Variants in FRYL observed in about 807,000 individuals in gnomAD.
FRYL encodes the protein FRY like transcription coactivator, also known as protein furry homolog-like.
Under a neutral mutation model 351.2 loss-of-function variants are expected in FRYL, and 150 were observed. The ratio of observed to expected loss-of-function variants is 0.43; its 90% CI spans 0.37 to 0.49. The LOEUF (loss-of-function observed/expected upper bound fraction) is 0.49, where lower values mean the gene tolerates loss of function less well. Ranked by LOEUF, FRYL falls within the 20% of genes least tolerant of loss-of-function variation. The probability of loss-of-function intolerance (pLI) is 0.00; values close to 1 mark genes in which losing one functional copy is unlikely to be tolerated. For synonymous variants in FRYL, 1,153 were observed against 1,257.1 expected, an observed-to-expected ratio of 0.92 and a Z score of 1.75; for missense variants, 3,036 against 3,619.3, an observed-to-expected ratio of 0.84 and a Z score of 4.13.
chr4:48,623,815 A>AG (rs1445982050), intron 4 of FRYL, among the ~76,000 whole-genome samples: 1 of 152,180 alleles, frequency 6.6e-6, no homozygotes, highest in Non-Finnish European at 1.5e-5. Flanking sequence ...TTAAAAAAAA[A>AG]CAAAGAAATA....
chr4:48,696,440 T>C (rs914212246), intron 2 of FRYL, among the ~76,000 whole-genome samples: 2 of 151,886 alleles, frequency 1.3e-5, no homozygotes, highest in Non-Finnish European at 2.9e-5. Context: ...GAAAACCAAA[T>C]ACCGCATGTT....
chr4:48,594,207 AT>A (rs1297437672), intron 15 of FRYL, among the ~76,000 whole-genome samples, 191 bp from the exon 16 acceptor site: 5 of 152,188 alleles, frequency 3.3e-5, no homozygotes, highest in Admixed American at 3.3e-4. Flanking sequence ...TTATCAAATG[AT>A]TTGTTTAATA....
chr4:48,690,449 G>T (rs1404758232), intron 2 of FRYL, among the ~76,000 whole-genome samples: 1 of 151,712 alleles, frequency 6.6e-6, no homozygotes, highest in Non-Finnish European at 1.5e-5. Flanking sequence ...TGATTCTCTG[G>T]ACTCCCTTAA....
chr4:48,525,695 G>A (rs1725988632), intron 53 of FRYL, among the ~76,000 whole-genome samples: 1 of 152,126 alleles, frequency 6.6e-6, no homozygotes, highest in Non-Finnish European at 1.5e-5. Flanking sequence ...GTATACGAGA[G>A]CTGATGAATG....
chr4:48,757,792 A>G (rs555608347), intron 1 of FRYL, among the ~76,000 whole-genome samples: 3,084 of 152,280 alleles, frequency 0.02, 104 homozygotes, highest in African/African-American at 0.071. Flanking sequence ...ATCCTAAGCC[A>G]AAAGAACAAA....
At chr4:48,710,752 C>T (rs1158501790) in intron 1 of FRYL, 54 bp from the exon 2 acceptor site, 3 of 395,496 alleles carry the variant, frequency 7.6e-6, no homozygotes, top group Admixed American at 4.4e-5. Context: ...ATGCTTACAA[C>T]ATGTTAACAT....
At chr4:48,568,276 G>A (rs542537447) in intron 27 of FRYL, among the ~76,000 whole-genome samples, 5 of 152,274 alleles carry the variant, frequency 3.3e-5, no homozygotes, top group African/African-American at 1.2e-4. Flanking sequence ...TCTGCAATGA[G>A]GTTTTCTTTG....
chr4:48,660,685 C>T (rs1489016518), intron 3 of FRYL, among the ~76,000 whole-genome samples: 2 of 152,104 alleles, frequency 1.3e-5, no homozygotes, highest in Non-Finnish European at 2.9e-5. Context: ...ACTACCTCAG[C>T]CAGGAGATCA....
At chr4:48,700,167 G>C (rs975661615) in intron 2 of FRYL, among the ~76,000 whole-genome samples, 1 of 152,208 alleles carries the variant, frequency 6.6e-6, no homozygotes, top group African/African-American at 2.4e-5. Context: ...GATTGTGGTA[G>C]AAAGTTCTAA....
At chr4:48,514,525 G>C (rs1723149598) in intron 56 of FRYL, among the ~76,000 whole-genome samples, 2 of 152,160 alleles carry the variant, frequency 1.3e-5, no homozygotes, top group Admixed American at 6.5e-5. Flanking sequence ...AATTTTTAAT[G>C]TATGGAGCAT....
chr4:48,711,070 T>C (rs909071765), intron 1 of FRYL, among the ~76,000 whole-genome samples: 3 of 152,158 alleles, frequency 2.0e-5, no homozygotes, highest in Non-Finnish European at 4.4e-5. Flanking sequence ...AAAAACATTA[T>C]GCTGGGGGGA....
chr4:48,567,499 C>A lies in FRYL; in HGVS notation c.2997-79G>T. 1.0e-6 allele frequency: 1 copy of A among 988,508 alleles called. No individual in the cohort carries two copies. Among genetic ancestry groups the A allele is most frequent in the Admixed American group, 3.1e-5 (1 of 32,576 alleles). 61.2% of individuals were successfully genotyped at this position (988,508 alleles called of 1,614,324 possible). Reference sequence around the variant, plus strand: ...ATAAAAAATTCTTAATACTCAAAATCAGAATAATACATGTTAATTTTGCAT... The same window carrying A: ...ATAAAAAATTCTTAATACTCAAAATAAGAATAATACATGTTAATTTTGCAT... On this transcript the variant is annotated intron_variant, in intron 27 of 63. Transcript: ENST00000358350. The surrounding 1 kb of genome is among the most constrained non-coding windows in gnomAD (Gnocchi z 4.2).
chr4:48,637,552 A>C (rs1206775443), intron 3 of FRYL: 2 of 149,662 alleles, frequency 1.3e-5, no homozygotes, highest in Non-Finnish European at 3.0e-5. Flanking sequence ...TGTTAATATA[A>C]TTCTAAAGAT....
chr4:48,641,207 C>T (rs1323404284), intron 3 of FRYL, among the ~76,000 whole-genome samples: 2 of 152,012 alleles, frequency 1.3e-5, no homozygotes, highest in Non-Finnish European at 2.9e-5. Context: ...AATGTGTATG[C>T]TGTGTGTGTT....
chr4:48,761,987 G>C (rs558682842), intron 1 of FRYL, among the ~76,000 whole-genome samples: 7 of 152,184 alleles, frequency 4.6e-5, no homozygotes, highest in African/African-American at 1.4e-4. Flanking sequence ...GGTTATGAGG[G>C]TAGATTCCTC....
At chr4:48,630,675 T>C (rs1752792097) in intron 4 of FRYL, among the ~76,000 whole-genome samples, 1 of 152,200 alleles carries the variant, frequency 6.6e-6, no homozygotes, top group African/African-American at 2.4e-5. Flanking sequence ...GAAAATGAAA[T>C]TGTGGCTAAA....
intron 60 of FRYL, among the ~76,000 whole-genome samples, chr4:48,504,946 G>A (rs940655903): frequency 3.9e-5 from 6 of 152,028 alleles, no homozygotes; most frequent in African/African-American, 1.4e-4. Context: ...ATGTCAAATG[G>A]AAATAAATTT....
At chr4:48,729,511 G>A (rs1560324193) in intron 1 of FRYL, among the ~76,000 whole-genome samples, 1 of 152,156 alleles carries the variant, frequency 6.6e-6, no homozygotes, top group Non-Finnish European at 1.5e-5. Flanking sequence ...TCATACAGGC[G>A]GGTGCCTCTC....
chr4:48,565,541 C>T lies in FRYL; in HGVS notation c.3320G>A (p.Cys1107Tyr). The T allele has an allele frequency of 6.4e-7, 1 of 1,569,722 alleles. No individual in the cohort carries two copies. Among genetic ancestry groups the T allele is most frequent in the Non-Finnish European group, 8.6e-7 (1 of 1,162,976 alleles). ...RNMQINRHQY[C>Y]ALKAMSAVLC... ...TTTCTAAGTAAATACCTTTAACGCACAGTATTGATGTCTATTAATTTGCAT... is the reference window on the plus strand; with the variant it reads ...TTTCTAAGTAAATACCTTTAACGCATAGTATTGATGTCTATTAATTTGCAT... The change falls in exon 29 of 64, where the codon TGT (cysteine) becomes TAT (tyrosine). Residue 1107 changes from cysteine (C) to tyrosine (Y), a missense_variant. Coordinates refer to ENST00000358350, the MANE Select transcript of FRYL (RefSeq NM_015030.2).
Sources: gnomAD v4.1 joint callset for allele counts (sites outside exome capture counted in the v4.1 genomes callset) on GRCh38, gnomAD v4.1.1 for gene constraint, Gnocchi (gnomAD v3.1) non-coding constraint, MANE v1.5 for transcripts, NCBI Gene and HGNC (gene_info 2026-07-23, HGNC 2026-07-21) for gene names.